The following VWA8 variants were observed in gnomAD, a reference collection of about 807,000 sequenced individuals.
The protein encoded by VWA8 is von Willebrand factor A domain containing 8.
A neutral mutation model predicts 241.5 loss-of-function variants in VWA8; 221 were observed. The ratio of observed to expected loss-of-function variants is 0.91; its 90% confidence interval spans 0.82 to 1.02. The LOEUF is 1.02. Among genes scored for constraint, VWA8 ranks in the 50% least tolerant of loss-of-function variants. The pLI, the probability that VWA8 is intolerant of heterozygous loss-of-function variation, is 0.00. For missense variants in VWA8, 2,322 were observed against 2,328.7 expected (o/e 1.00, Z 0.06); for synonymous variants, 852 against 827.1 (o/e 1.03, Z -0.52).
chr13:41,760,764 A>G (rs1593752310), intron 21 of VWA8, among the ~76,000 whole-genome samples: 1 of 151,922 alleles, frequency 6.6e-6, no homozygotes, highest in African/African-American at 2.4e-5. Context: ...TGAGATTCAT[A>G]TAGTTTATTA....
intron 17 of VWA8, among the ~76,000 whole-genome samples, chr13:41,788,931 A>G (rs1869329404): frequency 1.3e-5 from 2 of 152,056 alleles, no homozygotes; most frequent in Non-Finnish European, 2.9e-5. Context: ...TCTAGATTAC[A>G]CTCCAAAGCC....
In VWA8 at chr13:41,703,477, G is replaced by A. The variant is rs187133073; in HGVS notation, c.3117-66C>T. On this transcript the variant is annotated intron_variant, in intron 26 of 44. Transcript: ENST00000379310. ...CCCAAGTCATAGAAAAAAATAACAC[G>A]GCATCTATTATCAACCACACAAATA... The A allele has an allele frequency of 2.2e-4, 300 of 1,373,576 alleles. No homozygotes were observed. The Middle Eastern group carries it at 2.5e-3, about 12-fold the overall frequency. The allele number at this position is 1,373,576 out of a possible 1,614,324, so 85.1% of individuals were successfully genotyped here.
chr13:41,735,568 T>C (rs578111416), intron 21 of VWA8, among the ~76,000 whole-genome samples: 16 of 152,230 alleles, frequency 1.1e-4, no homozygotes, highest in African/African-American at 3.9e-4. Flanking sequence ...ATAGGATAAA[T>C]GTGGTTTTGT....
intron 37 of VWA8, among the ~76,000 whole-genome samples, chr13:41,663,930 T>C (rs1180192502): frequency 6.6e-6 from 1 of 151,532 alleles, no homozygotes; most frequent in Non-Finnish European, 1.5e-5. Context: ...GAATATATTA[T>C]GTCACAGTCT....
chr13:41,707,784 A>G lies in VWA8; in HGVS notation c.3117-4373T>C, dbSNP rs114531540. ...CAGGAGGCCATTACCTCTGCCTAGA[A>G]TTCCTTTCTGCTCTGGCCTCCTTGG... On this transcript the variant is annotated intron_variant, in intron 26 of 44. Coordinates refer to ENST00000379310, the MANE Select transcript of VWA8 (RefSeq NM_015058.2). 4.8e-3 allele frequency among the ~76,000 whole-genome samples: 727 copies of G among 152,254 alleles called. 3 individuals carry two copies. Among genetic ancestry groups the G allele is most frequent in the Middle Eastern group, 0.024 (7 of 294 alleles).
chr13:41,571,401 C>T lies in VWA8; in HGVS notation c.5371-695G>A, dbSNP rs921829977. ...CTGATGCCACCAAAGTTGTCAAAGC[C>T]GAGGCTGGACTGTACTGCCGCCATC... On this transcript the variant is annotated intron_variant, in intron 43 of 44. Transcript: ENST00000379310. Among the ~76,000 whole-genome samples the T allele has an allele frequency of 2.7e-5, 4 of 147,790 alleles. 1 individual carries two copies. Among genetic ancestry groups the T allele is most frequent in the Admixed American group, 7.0e-5 (1 of 14,374 alleles).
intron 4 of VWA8, among the ~76,000 whole-genome samples, chr13:41,897,492 G>C (rs1295413958): frequency 1.3e-5 from 2 of 152,212 alleles, no homozygotes; most frequent in Non-Finnish European, 2.9e-5. Context: ...AAACAATATG[G>C]AGGTTCTTCA....
In VWA8 at chr13:41,608,643, C is replaced by T. The variant is rs1020507621; in HGVS notation, c.4877+2933G>A. Among the ~76,000 whole-genome samples, 3 of 152,118 alleles carry T rather than the reference C, an allele frequency of 2.0e-5. No individual in the cohort carries two copies. The South Asian group carries it at 6.2e-4, about 32-fold the overall frequency. On this transcript the variant is annotated intron_variant, in intron 39 of 44. Transcript: ENST00000379310. ...AGGAAAACAAACATAAGCTTAGATC[C>T]ACTGTGTGAGGCTGATTAGTTTTGC...
At chr13:41,702,273 G>A (rs1045825202) in intron 27 of VWA8, among the ~76,000 whole-genome samples, 4 of 152,194 alleles carry the variant, frequency 2.6e-5, no homozygotes, top group South Asian at 2.1e-4. Context: ...CATGTCCCCC[G>A]CCCACCACCC....
chr13:41,575,164 G>A (rs1005323852), intron 43 of VWA8, among the ~76,000 whole-genome samples: 2 of 152,246 alleles, frequency 1.3e-5, no homozygotes, highest in African/African-American at 2.4e-5. Flanking sequence ...CTCAGGAATC[G>A]AAAACCAAAT....
intron 2 of VWA8, chr13:41,925,704 A>G (rs539373394): frequency 1.6e-4 from 31 of 188,410 alleles, no homozygotes; most frequent in Middle Eastern, 1.4e-3. Context: ...GTGGCAGAGA[A>G]GGAGGCCAAG....
chr13:41,682,168 A>G (rs759111185), intron 35 of VWA8, among the ~76,000 whole-genome samples: 8 of 152,208 alleles, frequency 5.3e-5, no homozygotes, highest in African/African-American at 7.2e-5. Context: ...GTAAAGGGAT[A>G]GACACATAGA....
intron 39 of VWA8, among the ~76,000 whole-genome samples, chr13:41,606,061 T>C (rs1208191585): frequency 6.6e-6 from 1 of 152,064 alleles, no homozygotes; most frequent in Non-Finnish European, 1.5e-5. Context: ...CACTTACTCT[T>C]CAAGACTCAA....
At chr13:41,615,251 T>C (rs2044613749) in intron 37 of VWA8, among the ~76,000 whole-genome samples, 167 bp from the exon 38 acceptor site, 1 of 152,200 alleles carries the variant, frequency 6.6e-6, no homozygotes, top group African/African-American at 2.4e-5. Context: ...ATCAGATGGA[T>C]TCCAACATCC....
At chr13:41,927,527 C>G (rs1002088921) in intron 2 of VWA8, among the ~76,000 whole-genome samples, 1 of 151,106 alleles carries the variant, frequency 6.6e-6, no homozygotes, top group Non-Finnish European at 1.5e-5. Flanking sequence ...CCAAATAAAC[C>G]ATTTGTCTCC....
rs146368397 is a variant in VWA8, at chr13:41,816,776, C to T, written c.1870-1G>A. The T allele has an allele frequency of 6.6e-5, 106 of 1,610,972 alleles. No homozygotes were observed. The highest frequency in any genetic ancestry group is 8.4e-5 in the Non-Finnish European group (99 of 1,178,412). ...GAGCTTCCTGAGGTACATTTGGGAC[C>T]TATTTTTTGAAAGAGTTGAGGACAA... is the stretch of plus-strand genomic sequence containing the variant. On this transcript the variant is annotated splice_acceptor_variant, in intron 15 of 44. Coordinates refer to ENST00000379310, the MANE Select transcript of VWA8 (RefSeq NM_015058.2). LOFTEE classifies it high-confidence loss of function.
intron 12 of VWA8, among the ~76,000 whole-genome samples, chr13:41,861,662 C>T (rs535456552): frequency 5.9e-5 from 9 of 152,096 alleles, no homozygotes; most frequent in Admixed American, 6.6e-5. Flanking sequence ...AACATCCAAA[C>T]TGAAAGCCAA....
In VWA8 at chr13:41,758,398, GTATATATA is replaced by G. The variant is rs1236188354; in HGVS notation, c.2426+2722_2426+2729del. The stretch of plus-strand genomic sequence containing the variant: ...TATATATATATATATATATACGCTA[GTATATATA>G]TATATATATATATATATATATATAC... On this transcript the variant is annotated intron_variant, in intron 21 of 44. Coordinates refer to ENST00000379310, the MANE Select transcript of VWA8 (RefSeq NM_015058.2). Among the ~76,000 whole-genome samples, 19 of 25,004 alleles carry G rather than the reference GTATATATA, an allele frequency of 7.6e-4. 1 individual carries two copies. Among genetic ancestry groups the G allele is most frequent in the Non-Finnish European group, 9.1e-4 (10 of 10,980 alleles). 16.4% of individuals were successfully genotyped at this position (25,004 alleles called of 152,430 possible). A position where few individuals can be genotyped will look rare whatever the true frequency, so the allele number is the denominator to read the frequency against.
At chr13:41,717,984 T>C (rs1351778286) in intron 26 of VWA8, among the ~76,000 whole-genome samples, 2 of 152,038 alleles carry the variant, frequency 1.3e-5, no homozygotes, top group African/African-American at 4.8e-5. Context: ...ATTTTTCTGT[T>C]TAGAACTGAG....
Sources: allele counts gnomAD v4.1 joint callset (sites outside exome capture counted in the v4.1 genomes callset), GRCh38; gene constraint gnomAD v4.1.1; transcripts MANE v1.5; gene names NCBI Gene and HGNC (gene_info 2026-07-23, HGNC 2026-07-21).